The following SNX24 variants were observed in gnomAD, a reference collection of about 807,000 sequenced individuals.
SNX24 encodes the protein sorting nexin-24.
Under a neutral mutation model 28.7 loss-of-function variants are expected in SNX24, and 22 were observed. The ratio of observed to expected loss-of-function variants is 0.77; its 90% CI spans 0.55 to 1.10. The LOEUF (loss-of-function observed/expected upper bound fraction) is 1.10. Ranked by LOEUF, SNX24 falls within the 50% of genes least tolerant of loss-of-function variation. The pLI, the probability that SNX24 is intolerant of heterozygous loss-of-function variation, is 0.00. For synonymous variants in SNX24, 69 were observed against 71.5 expected, an observed-to-expected ratio of 0.96 and a Z score of 0.18; for missense variants, 221 against 201.1, an observed-to-expected ratio of 1.10 and a Z score of -0.60.
intron 3 of SNX24, among the ~76,000 whole-genome samples, chr5:122,972,199 A>T (rs908931037): frequency 2.6e-5 from 4 of 152,180 alleles, no homozygotes; most frequent in South Asian, 2.1e-4. Context: ...GTTTAATGGA[A>T]TCATTGTTGT....
At chr5:122,857,877 G>A (rs1452529666) in intron 1 of SNX24, among the ~76,000 whole-genome samples, 1 of 152,066 alleles carries the variant, frequency 6.6e-6, no homozygotes, top group Non-Finnish European at 1.5e-5. Context: ...CCGCCTCCTG[G>A]GTTCAAGCGA....
chr5:122,902,043 C>T (rs1233410832), intron 1 of SNX24, among the ~76,000 whole-genome samples: 1 of 152,228 alleles, frequency 6.6e-6, no homozygotes, highest in Non-Finnish European at 1.5e-5. Context: ...TAAGAACAGT[C>T]ATTGTCTGTC....
chr5:123,004,063 T>C (rs1762336991), intron 6 of SNX24, among the ~76,000 whole-genome samples: 1 of 152,236 alleles, frequency 6.6e-6, no homozygotes, highest in African/African-American at 2.4e-5. Flanking sequence ...TAGCAAGATA[T>C]TAAGGTTATT....
chr5:122,946,270 C>A, intron 3 of SNX24, 111 bp downstream of exon 3: 1 of 552,912 alleles, frequency 1.8e-6, no homozygotes, highest in Non-Finnish European at 3.1e-6. Flanking sequence ...GCCAAAGATT[C>A]TAAATTAAAG....
intron 1 of SNX24, among the ~76,000 whole-genome samples, chr5:122,906,950 G>T (rs1757668793): frequency 6.6e-6 from 1 of 152,206 alleles, no homozygotes; most frequent in Admixed American, 6.5e-5. Flanking sequence ...TACTCTGCTT[G>T]TGTTCTCTGG....
intron 1 of SNX24, among the ~76,000 whole-genome samples, chr5:122,868,365 G>C (rs1343429603): frequency 2.0e-5 from 3 of 152,138 alleles, no homozygotes; most frequent in Non-Finnish European, 4.4e-5. Context: ...ATGGTAACTT[G>C]GTGGCCCATG....
chr5:123,006,727 G>C (rs116039859), intron 6 of SNX24, among the ~76,000 whole-genome samples: 11 of 152,054 alleles, frequency 7.2e-5, no homozygotes, highest in South Asian at 2.1e-4. Context: ...AACCCTCCAG[G>C]CTCCCTCTGG....
intron 5 of SNX24, among the ~76,000 whole-genome samples, chr5:123,018,712 AGTCTCGCTCT>A (rs1189072006): frequency 2.0e-5 from 3 of 151,560 alleles, no homozygotes; most frequent in Non-Finnish European, 2.9e-5. Context: ...TTTGACACAG[AGTCTCGCTCT>A]GTTGCCCAGG....
At chr5:122,848,700 C>G (rs550065632) in intron 1 of SNX24, among the ~76,000 whole-genome samples, 1 of 134,612 alleles carries the variant, frequency 7.4e-6, no homozygotes, top group East Asian at 2.2e-4. Flanking sequence ...CAGAGCAACA[C>G]TCCATCTCAA....
chr5:122,876,928 G>T (rs1756250207), intron 1 of SNX24, among the ~76,000 whole-genome samples: 1 of 152,160 alleles, frequency 6.6e-6, no homozygotes, highest in Non-Finnish European at 1.5e-5. Context: ...GATAGAAAGG[G>T]AGCAGTGTCC....
chr5:122,970,258 GACT>G (rs199972912), intron 3 of SNX24, among the ~76,000 whole-genome samples: 1 of 149,978 alleles, frequency 6.7e-6, no homozygotes, highest in East Asian at 1.9e-4. Flanking sequence ...ATTCTTCCTA[GACT>G]ACTTGTTTAT....
rs1445351712 is a variant in SNX24, at chr5:122,864,065, TG to T, written c.60+18374del. On this transcript the variant is annotated intron_variant, in intron 1 of 6. Transcript: ENST00000261369. ...ATGTAAATGAAAATCCCTCCCTTTG[TG>T]GAACTTACCTATTGGTTACATGAGT... Among the ~76,000 whole-genome samples the T allele has an allele frequency of 4.6e-5, 7 of 152,362 alleles. 1 individual carries two copies. Among genetic ancestry groups the T allele is most frequent in the African/African-American group, 1.7e-4 (7 of 41,590 alleles).
intron 3 of SNX24, among the ~76,000 whole-genome samples, chr5:122,975,365 TG>T (rs1761122898): frequency 6.6e-6 from 1 of 151,706 alleles, no homozygotes; most frequent in African/African-American, 2.4e-5. Flanking sequence ...AATAAATTTA[TG>T]GTTTTTTTTT....
intron 3 of SNX24, among the ~76,000 whole-genome samples, chr5:122,969,963 C>G (rs1042284080): frequency 1.5e-4 from 23 of 152,006 alleles, no homozygotes; most frequent in Non-Finnish European, 2.1e-4. Flanking sequence ...AAATCTGGGC[C>G]CTTCTTAGTT....
intron 6 of SNX24, among the ~76,000 whole-genome samples, chr5:123,005,039 A>G (rs1762377185): frequency 6.6e-6 from 1 of 152,338 alleles, no homozygotes; most frequent in East Asian, 1.9e-4. Flanking sequence ...CATGCATATG[A>G]TGAAGCCAAA....
At chr5:122,951,284 A>AAG (rs1759929584) in intron 3 of SNX24, among the ~76,000 whole-genome samples, 1 of 132,386 alleles carries the variant, frequency 7.6e-6, no homozygotes, top group African/African-American at 3.0e-5. Context: ...AAAAAAAAAG[A>AAG]AAAAGAAAAG....
At chr5:122,898,897 C>T (rs376599381) in intron 1 of SNX24, among the ~76,000 whole-genome samples, 1 of 152,180 alleles carries the variant, frequency 6.6e-6, no homozygotes, top group African/African-American at 2.4e-5. Flanking sequence ...TGGGGCATTT[C>T]ACAAATCAGA....
chr5:122,984,733 G>A (rs1427068113), intron 3 of SNX24, among the ~76,000 whole-genome samples: 1 of 152,172 alleles, frequency 6.6e-6, no homozygotes, highest in Non-Finnish European at 1.5e-5. Flanking sequence ...TTAGTGAGTA[G>A]CTATTTTCCT....
At chr5:122,941,243 G>A (rs1290502478) in intron 2 of SNX24, among the ~76,000 whole-genome samples, 3 of 152,016 alleles carry the variant, frequency 2.0e-5, no homozygotes, top group Non-Finnish European at 4.4e-5. Flanking sequence ...CCATGTAAGC[G>A]AATACATTCA....
Sources: allele counts gnomAD v4.1 joint callset (sites outside exome capture counted in the v4.1 genomes callset), GRCh38; gene constraint gnomAD v4.1.1; transcripts MANE v1.5; gene names NCBI Gene and HGNC (gene_info 2026-07-23, HGNC 2026-07-21).